NAALADL2: variants seen among roughly 807,000 people sequenced by gnomAD.
NAALADL2 encodes inactive N-acetylated-alpha-linked acidic dipeptidase-like protein 2.
A neutral mutation model predicts 87.2 loss-of-function variants in NAALADL2; 76 were observed. The ratio of observed to expected loss-of-function variants is 0.87; its 90% CI spans 0.72 to 1.05. The LOEUF (loss-of-function observed/expected upper bound fraction) is 1.05, where lower values mean the gene tolerates loss of function less well. Among genes scored for constraint, NAALADL2 ranks in the 50% least tolerant of loss-of-function variants. The pLI is 0.00. For missense variants in NAALADL2, 1,089 were observed against 945.8 expected (o/e 1.15, Z -1.99); for synonymous variants, 354 against 331.0 (o/e 1.07, Z -0.75).
chr3:174,487,709 T>TA (rs1378074575), intron 1 of NAALADL2, among the ~76,000 whole-genome samples: 1 of 151,530 alleles, frequency 6.6e-6, no homozygotes, highest in Admixed American at 6.6e-5. Flanking sequence ...TTTTTTTTTT[T>TA]AACAATAGTA....
At chr3:175,039,578 A>G (rs1456147081) in intron 1 of NAALADL2, among the ~76,000 whole-genome samples, 2 of 152,180 alleles carry the variant, frequency 1.3e-5, no homozygotes, top group Non-Finnish European at 2.9e-5. Context: ...GTTGATCATC[A>G]TGAATCATAA....
Position 174,649,943 on chromosome 3 carries a change from T to G in NAALADL2, c.-114-87698T>G, listed in dbSNP as rs79312534. Among the ~76,000 whole-genome samples the G allele has an allele frequency of 7.3e-3, 1,107 of 152,242 alleles. 6 individuals carry two copies. The highest frequency in any genetic ancestry group is 0.01 in the Middle Eastern group (3 of 294). On this transcript the variant is annotated intron_variant, in intron 2 of 3. Transcript: ENST00000434257. Reference sequence around the variant, plus strand: ...CATACAACAAAGCATTTCTTGCACTTCTCTTGAGAAGTAGATGTATTAGAA... The same window carrying G: ...CATACAACAAAGCATTTCTTGCACTGCTCTTGAGAAGTAGATGTATTAGAA...
intron 2 of NAALADL2, among the ~76,000 whole-genome samples, chr3:175,153,674 T>C (rs1329461357): frequency 6.6e-6 from 1 of 152,230 alleles, no homozygotes; most frequent in Non-Finnish European, 1.5e-5. Context: ...CCACTCATTA[T>C]GTGATATCGA....
chr3:175,570,015 T>C (rs57623457), intron 9 of NAALADL2, among the ~76,000 whole-genome samples: 1,795 of 152,266 alleles, frequency 0.012, 35 homozygotes, highest in African/African-American at 0.04. Context: ...GTTGGAAAGA[T>C]ACAGAGCTAA....
chr3:175,790,757 C>G (rs1248472991), intron 13 of NAALADL2, among the ~76,000 whole-genome samples: 1 of 152,152 alleles, frequency 6.6e-6, no homozygotes, highest in Non-Finnish European at 1.5e-5. Flanking sequence ...CAAATTTCAT[C>G]AATTAATCTG....
In NAALADL2 at chr3:175,627,427, GTTC is replaced by G. The variant is rs1560875862; in HGVS notation, c.1896+47_1896+49del. On this transcript the variant is annotated intron_variant, in intron 11 of 13. Coordinates refer to ENST00000454872, the MANE Select transcript of NAALADL2 (RefSeq NM_207015.3). ...ATTCAAAAATAGGTGAGAAATATTT[GTTC>G]TTCTTTATTGGTAGATGGAGCAAAG... The G allele has an allele frequency of 5.3e-6, 7 of 1,311,816 alleles. No individual in the cohort carries two copies. In the South Asian group the frequency reaches 6.6e-5, roughly 12 times the overall value. 81.3% of individuals were successfully genotyped at this position (1,311,816 alleles called of 1,614,324 possible).
intron 4 of NAALADL2, among the ~76,000 whole-genome samples, chr3:175,315,737 CAG>C (rs145266585): frequency 3.5e-4 from 53 of 152,234 alleles, no homozygotes; most frequent in African/African-American, 1.2e-3. Flanking sequence ...TTTATTTACT[CAG>C]AAGAATTTTA....
At chr3:174,900,344 C>A (rs1443166097) in intron 1 of NAALADL2, among the ~76,000 whole-genome samples, 1 of 151,956 alleles carries the variant, frequency 6.6e-6, no homozygotes, top group Non-Finnish European at 1.5e-5. Context: ...TACTTTTAAT[C>A]AATAACAAAT....
At chr3:175,332,513 C>T (rs182817512) in intron 5 of NAALADL2, among the ~76,000 whole-genome samples, 1 of 152,302 alleles carries the variant, frequency 6.6e-6, no homozygotes, top group East Asian at 1.9e-4. Flanking sequence ...GTTGCCCAGT[C>T]TAGTCTCAAC....
intron 9 of NAALADL2, among the ~76,000 whole-genome samples, chr3:175,511,347 T>G (rs1284605135): frequency 6.6e-6 from 1 of 152,180 alleles, no homozygotes; most frequent in African/African-American, 2.4e-5. Context: ...CTGATTAAGT[T>G]AAAATGAGGC....
At chr3:175,576,941 TA>T (rs1311836743) in intron 10 of NAALADL2, among the ~76,000 whole-genome samples, 2 of 152,212 alleles carry the variant, frequency 1.3e-5, no homozygotes, top group Non-Finnish European at 2.9e-5. Flanking sequence ...TCTTCAAATA[TA>T]AATGTTCCTC....
chr3:175,138,625 G>GTTA (rs970579740), intron 2 of NAALADL2, among the ~76,000 whole-genome samples: 13 of 148,266 alleles, frequency 8.8e-5, no homozygotes, highest in African/African-American at 2.2e-4. Flanking sequence ...TATTATTATT[G>GTTA]TTATTATTAT....
intron 1 of NAALADL2, among the ~76,000 whole-genome samples, chr3:174,862,309 G>C (rs73041777): frequency 0.017 from 2,647 of 152,116 alleles, 69 homozygotes; most frequent in African/African-American, 0.06. Flanking sequence ...AGGAGTAGAG[G>C]GAGGGACATG....
intron 1 of NAALADL2, among the ~76,000 whole-genome samples, chr3:174,444,502 T>C (rs1374515671): frequency 6.6e-6 from 1 of 152,142 alleles, no homozygotes; most frequent in Non-Finnish European, 1.5e-5. Context: ...GCCTTGAGCT[T>C]TGCTTAGGAG....
At chr3:175,264,426 T>C (rs1331346410) in intron 4 of NAALADL2, among the ~76,000 whole-genome samples, 4 of 151,772 alleles carry the variant, frequency 2.6e-5, no homozygotes, top group Non-Finnish European at 4.4e-5. Flanking sequence ...GATGGAGAAG[T>C]GTGACAGCTC....
chr3:175,562,814 T>C (rs1165294561), intron 9 of NAALADL2, among the ~76,000 whole-genome samples: 5 of 152,164 alleles, frequency 3.3e-5, no homozygotes, highest in South Asian at 2.1e-4. Flanking sequence ...TCTATTCTTA[T>C]ATTGTGTAAG....
intron 1 of NAALADL2, among the ~76,000 whole-genome samples, chr3:174,982,263 T>C (rs1395183472): frequency 1.3e-5 from 2 of 152,156 alleles, no homozygotes; most frequent in Admixed American, 6.5e-5. Context: ...ACTGAGTATC[T>C]ACCTTGTGCT....
intron 3 of NAALADL2, among the ~76,000 whole-genome samples, chr3:174,832,679 G>A (rs770794209): frequency 2.4e-4 from 37 of 152,090 alleles, no homozygotes; most frequent in Non-Finnish European, 8.8e-5. Flanking sequence ...TGTTAGCCAA[G>A]ATGGTCTCGA....
At chr3:175,226,853 A>G (rs1744230140) in intron 2 of NAALADL2, among the ~76,000 whole-genome samples, 1 of 152,016 alleles carries the variant, frequency 6.6e-6, no homozygotes, top group Admixed American at 6.6e-5. Context: ...CATGTGTTTT[A>G]ATCTTAATAT....
Sources: gnomAD v4.1 joint callset for allele counts (sites outside exome capture counted in the v4.1 genomes callset) on GRCh38, gnomAD v4.1.1 for gene constraint, MANE v1.5 for transcripts, NCBI Gene and HGNC (gene_info 2026-07-23, HGNC 2026-07-21) for gene names.